Variants in SARS1 observed in about 807,000 individuals in gnomAD.
SARS1 encodes seryl-tRNA synthetase 1, also known as serine--tRNA ligase, cytoplasmic.
A neutral mutation model predicts 63.7 loss-of-function variants in SARS1; 25 were observed. The ratio of observed to expected loss-of-function variants is 0.39; its 90% CI spans 0.29 to 0.55. The LOEUF is 0.55. SARS1 is among the 20% of genes least tolerant of loss of function. The pLI is 0.62. For missense variants in SARS1, 417 were observed against 649.7 expected, an observed-to-expected ratio of 0.64 and a Z score of 3.89; for synonymous variants, 231 against 243.5, an observed-to-expected ratio of 0.95 and a Z score of 0.48.
intron 9 of SARS1, chr1:109,236,991 G>C: frequency 7.5e-7 from 1 of 1,335,574 alleles, no homozygotes; most frequent in South Asian, 1.5e-5. Flanking sequence ...TCCCTCAAAG[G>C]GCCCAACTCT....
intron 6 of SARS1, among the ~76,000 whole-genome samples, chr1:109,233,211 A>G (rs1442593182): frequency 2.0e-5 from 3 of 151,784 alleles, no homozygotes; most frequent in Admixed American, 6.6e-5. Flanking sequence ...GGGTCTCACT[A>G]TGTTGCCCAA....
At chr1:109,226,821 G>A (rs1280129896) in intron 2 of SARS1, among the ~76,000 whole-genome samples, 1 of 149,356 alleles carries the variant, frequency 6.7e-6, no homozygotes, top group East Asian at 1.9e-4. Flanking sequence ...CTGGGCTAAA[G>A]TGATCTGCCC....
chr1:109,217,229 T>A, intron 1 of SARS1: 1 of 762,440 alleles, frequency 1.3e-6, no homozygotes, highest in Non-Finnish European at 1.6e-6. Context: ...ATATTGTAAG[T>A]AAAAAATGCA....
intron 8 of SARS1, 23 bp downstream of exon 8, chr1:109,236,129 A>G (rs1407221633): frequency 5.0e-6 from 8 of 1,603,184 alleles, no homozygotes; most frequent in East Asian, 2.2e-5. Context: ...GCCTCTTCTC[A>G]GCCTCCCTTT....
intron 1 of SARS1, among the ~76,000 whole-genome samples, chr1:109,218,158 A>C (rs1393352631): frequency 1.5e-5 from 2 of 131,586 alleles, no homozygotes; most frequent in African/African-American, 2.9e-5. Context: ...ATGCCACTGC[A>C]CTCCAGCCTG....
intron 1 of SARS1, chr1:109,215,107 C>G: frequency 1.0e-6 from 1 of 985,374 alleles, no homozygotes; most frequent in Non-Finnish European, 1.2e-6. Flanking sequence ...TGATTTTCTC[C>G]TGTTTATAAG....
chr1:109,216,356 A>T lies in SARS1; in HGVS notation c.136+2228A>T, dbSNP rs532893345. The T allele has an allele frequency of 3.0e-5, 30 of 985,434 alleles. No homozygotes were observed. In the African/African-American group the frequency reaches 4.7e-4, roughly 15 times the overall value. 61.0% of individuals were successfully genotyped at this position (985,434 alleles called of 1,614,324 possible). A position where few individuals can be genotyped will look rare whatever the true frequency, so the allele number is the denominator to read the frequency against. On this transcript the variant is annotated intron_variant, in intron 1 of 10. Transcript: ENST00000234677. ...GGTACCACTAGGGTTCCTTTGGAGA[A>T]CTCAGGAGTCCAGTATAACTTGGAG...
chr1:109,236,592 C>G, intron 9 of SARS1, 44 bp downstream of exon 9: 1 of 1,579,592 alleles, frequency 6.3e-7, no homozygotes, highest in Non-Finnish European at 8.6e-7. Flanking sequence ...CTTCAGTACA[C>G]GGCCCGTCCG....
At position 109,229,487 on chromosome 1, in the gene SARS1, G is replaced by A. The variant is rs772315632; in HGVS notation, c.362G>A (p.Arg121Gln). ...DEAILKCDAE[R>Q]IKLEAERFEN... ...GCCATCCTGAAGTGTGACGCGGAGC[G>A]GATAAAGTTGGAAGCAGAGCGGTTT... The change falls in exon 4 of 11, where the codon CGG (arginine) becomes CAG (glutamine). Residue 121 changes from arginine to glutamine, a missense_variant. Arg to Gln is a conservative substitution (Grantham distance 43). This residue lies in a region of SARS1 where 359 missense variants were observed against 529.6 expected (regional missense o/e 0.68). Transcript: ENST00000234677. 1.2e-5 allele frequency: 20 copies of A among 1,614,068 alleles called. No individual in the cohort carries two copies. Among genetic ancestry groups the A allele is most frequent in the African/African-American group, 2.7e-5 (2 of 74,936 alleles).
rs757108137 is a variant in SARS1 at position 109,237,406 on chromosome 1, C to G, written c.1387+33C>G. ...TCCCAGCTCATCTCATCGTTCTCCT[C>G]TTTTCTGTCTTCACACTCTTCTAAA... is the stretch of plus-strand genomic sequence containing the variant. On this transcript the variant is annotated intron_variant, in intron 10 of 10. Transcript: ENST00000234677. The surrounding 1 kb of genome is among the most constrained non-coding windows in gnomAD (Gnocchi z 4.1). 6.2e-7 allele frequency: 1 copy of G among 1,614,056 alleles called. No homozygotes were observed. Among genetic ancestry groups the G allele is most frequent in the East Asian group, 2.2e-5 (1 of 44,890 alleles).
intron 1 of SARS1, among the ~76,000 whole-genome samples, chr1:109,218,298 C>T (rs1377265340): frequency 2.7e-5 from 4 of 146,242 alleles, no homozygotes; most frequent in Middle Eastern, 3.8e-3. Flanking sequence ...ACCCGGGAAG[C>T]GGAGGTTGCA....
intron 1 of SARS1, among the ~76,000 whole-genome samples, chr1:109,223,404 T>C (rs886882687): frequency 3.3e-5 from 5 of 152,250 alleles, no homozygotes; most frequent in African/African-American, 1.2e-4. Context: ...TACTCTATAA[T>C]GGCTTCATAC....
chr1:109,218,424 T>G (rs928510434), intron 1 of SARS1, among the ~76,000 whole-genome samples: 3 of 150,506 alleles, frequency 2.0e-5, no homozygotes, highest in African/African-American at 7.3e-5. Context: ...TTTTTTTTTT[T>G]GGTACAAGTC....
At chr1:109,234,313 C>T (rs1655266431) in intron 6 of SARS1, among the ~76,000 whole-genome samples, 1 of 152,006 alleles carries the variant, frequency 6.6e-6, no homozygotes, top group Non-Finnish European at 1.5e-5. Context: ...CATGAGCCAC[C>T]GTGCCTGGCC....
rs531997747 is a variant in SARS1 at position 109,217,223 on chromosome 1, T to A, written c.136+3095T>A. ...TAAATCCACCATAAGTTGAAAATAT[T>A]GTAAGTAAAAAATGCATGAAATACA... On this transcript the variant is annotated intron_variant, in intron 1 of 10. Coordinates refer to ENST00000234677, the MANE Select transcript of SARS1 (RefSeq NM_006513.4). 6.1e-6 allele frequency: 5 copies of A among 823,798 alleles called. No individual in the cohort carries two copies. In the South Asian group the frequency reaches 2.8e-4, roughly 46 times the overall value. 51.0% of individuals were successfully genotyped at this position (823,798 alleles called of 1,614,324 possible).
rs571154142 is a variant in SARS1 at position 109,231,157 on chromosome 1, C to T, written c.591+136C>T. ...AGATCTACCAGTTGTACTTGCCTTT[C>T]TGCAAATGTATTGGCAATTAGATGC... On this transcript the variant is annotated intron_variant, in intron 5 of 10. Coordinates refer to ENST00000234677, the MANE Select transcript of SARS1 (RefSeq NM_006513.4). The T allele has an allele frequency of 3.5e-5, 17 of 485,880 alleles. No homozygotes were observed. The South Asian group carries it at 1.5e-3, about 43-fold the overall frequency. The allele number at this position is 485,880 out of a possible 1,614,324, so 30.1% of individuals were successfully genotyped here. A position where few individuals can be genotyped will look rare whatever the true frequency, so the allele number is the denominator to read the frequency against.
chr1:109,218,619 G>T (rs572656224), intron 1 of SARS1, among the ~76,000 whole-genome samples: 1 of 152,082 alleles, frequency 6.6e-6, no homozygotes, highest in African/African-American at 2.4e-5. Flanking sequence ...TGGCCTCGCT[G>T]TCTACCACTT....
chr1:109,233,970 A>G (rs753265535), intron 6 of SARS1, among the ~76,000 whole-genome samples: 96 of 145,234 alleles, frequency 6.6e-4, no homozygotes, highest in Admixed American at 1.2e-3. Context: ...ACCGAGTTCA[A>G]GGGATTATCC....
At chr1:109,223,766 T>G (rs905037270) in intron 1 of SARS1, among the ~76,000 whole-genome samples, 2 of 152,134 alleles carry the variant, frequency 1.3e-5, no homozygotes, top group African/African-American at 4.8e-5. Context: ...ATTGCACCAT[T>G]ACACTCCAGC....
Sources: allele counts gnomAD v4.1 joint callset (sites outside exome capture counted in the v4.1 genomes callset), GRCh38; gene constraint gnomAD v4.1.1; regional missense constraint gnomAD v4.1.1; non-coding constraint Gnocchi (gnomAD v3.1); transcripts MANE v1.5; gene names NCBI Gene and HGNC (gene_info 2026-07-23, HGNC 2026-07-21).